The following SAR1A variants were observed in gnomAD, a reference collection of about 807,000 sequenced individuals.
The protein encoded by SAR1A is small COPII coat GTPase SAR1A.
A neutral mutation model predicts 22.6 loss-of-function variants in SAR1A; 6 were observed. The ratio of observed to expected loss-of-function variants is 0.27; its 90% CI spans 0.15 to 0.52. The LOEUF (loss-of-function observed/expected upper bound fraction) is 0.52, where lower values mean the gene tolerates loss of function less well. SAR1A is among the 20% of genes least tolerant of loss of function. SAR1A has a pLI of 0.96. For synonymous variants in SAR1A, 70 were observed against 82.2 expected, an observed-to-expected ratio of 0.85 and a Z score of 0.80; for missense variants, 145 against 245.1, an observed-to-expected ratio of 0.59 and a Z score of 2.73.
intron 3 of SAR1A, 125 bp from the exon 4 acceptor site, chr10:70,161,194 G>A (rs999993391): frequency 1.4e-6 from 1 of 709,516 alleles, no homozygotes; most frequent in Non-Finnish European, 2.3e-6. Flanking sequence ...TGAGTGTGGT[G>A]GTACCCGCCT....
intron 4 of SAR1A, among the ~76,000 whole-genome samples, chr10:70,159,117 A>C (rs963320814): frequency 6.6e-6 from 1 of 152,144 alleles, no homozygotes; most frequent in Non-Finnish European, 1.5e-5. Flanking sequence ...TTCTTACCCA[A>C]ATGAAAAAAA....
Position 70,149,482 on chromosome 10 carries a change from T to C in SAR1A, c.*2994A>G, listed in dbSNP as rs7896472. 6.6e-6 allele frequency: 1 copy of C among 150,826 alleles called. No individual in the cohort carries two copies. Among genetic ancestry groups the C allele is most frequent in the Admixed American group, 6.6e-5 (1 of 15,114 alleles). 9.3% of individuals were successfully genotyped at this position (150,826 alleles called of 1,614,324 possible). A position where few individuals can be genotyped will look rare whatever the true frequency, so the allele number is the denominator to read the frequency against. On this transcript the variant is annotated 3_prime_UTR_variant, in exon 7 of 7. Coordinates refer to ENST00000373241, the MANE Select transcript of SAR1A (RefSeq NM_020150.5). ...CTCATTTGGGTTTTTGTAAAAGCAG[T>C]CTTCCTACAAGCCTAGTAAAGGAAA...
chr10:70,157,708 G>A, intron 5 of SAR1A, 56 bp downstream of exon 5: 1 of 1,315,976 alleles, frequency 7.6e-7, no homozygotes, highest in Non-Finnish European at 1.1e-6. Flanking sequence ...AAAAAAAATA[G>A]AGGCCAAAAA....
At chr10:70,163,609 A>T (rs1839504693) in intron 1 of SAR1A, 1 of 674,638 alleles carries the variant, frequency 1.5e-6, no homozygotes. Context: ...AATGACACTA[A>T]ATCAGTCCAA....
rs531342342 is a variant in SAR1A, at chr10:70,147,692, T to C, written c.*4784A>G. On this transcript the variant is annotated 3_prime_UTR_variant, in exon 7 of 7. Transcript: ENST00000373241. ...ACAAGGCATAGTTTACCATCTCTAG[T>C]GTACACTAACATAAACTGCTCTACT... 9 of 152,276 alleles carry C rather than the reference T, an allele frequency of 5.9e-5. No individual in the cohort carries two copies. Among genetic ancestry groups the C allele is most frequent in the African/African-American group, 2.2e-4 (9 of 41,542 alleles). 9.4% of individuals were successfully genotyped at this position (152,276 alleles called of 1,614,324 possible).
intron 5 of SAR1A, among the ~76,000 whole-genome samples, chr10:70,154,590 T>C (rs1839363853): frequency 6.6e-6 from 1 of 152,050 alleles, no homozygotes; most frequent in Non-Finnish European, 1.5e-5. Flanking sequence ...CCTGAGTAGC[T>C]GGGACTACAG....
At position 70,150,461 on chromosome 10, in the gene SAR1A, C is replaced by A. The variant is rs777772626; in HGVS notation, c.*2015G>T. ...CATTGGTTCTAACTGATTTTCAATC[C>A]CCTTTCTCCAGTGGAATAAACCACT... On this transcript the variant is annotated 3_prime_UTR_variant, in exon 7 of 7. Transcript: ENST00000373241. The A allele has an allele frequency of 2.6e-5, 4 of 152,122 alleles. No individual in the cohort carries two copies. Among genetic ancestry groups the A allele is most frequent in the African/African-American group, 9.7e-5 (4 of 41,416 alleles). The allele number at this position is 152,122 out of a possible 1,614,324, so 9.4% of individuals were successfully genotyped here. A position where few individuals can be genotyped will look rare whatever the true frequency, so the allele number is the denominator to read the frequency against.
chr10:70,163,454 G>C (rs1002778123), intron 1 of SAR1A, among the ~76,000 whole-genome samples: 1 of 152,218 alleles, frequency 6.6e-6, no homozygotes, highest in Admixed American at 6.5e-5. Context: ...TGACTCTCTT[G>C]TTATGGGCTA....
At chr10:70,162,899 G>A (rs1839494829) in intron 1 of SAR1A, 1 of 152,208 alleles carries the variant, frequency 6.6e-6, no homozygotes, top group African/African-American at 2.4e-5. Context: ...TCTATGATCA[G>A]TGATCTTTGG....
At chr10:70,162,114 C>T (rs1469182564) in intron 1 of SAR1A, among the ~76,000 whole-genome samples, 183 bp from the exon 2 acceptor site, 3 of 151,858 alleles carry the variant, frequency 2.0e-5, no homozygotes, top group African/African-American at 4.8e-5. Context: ...CCAAGGCAGG[C>T]GGATCACTTG....
In SAR1A at chr10:70,170,467, C is replaced by G. The variant is rs996616105; in HGVS notation, c.-71G>C. The stretch of plus-strand genomic sequence containing the variant: ...GGCTGGCTCGGACCCTCCCTCAGAG[C>G]ACACTAACCAGCAGCACCCGGGACC... On this transcript the variant is annotated 5_prime_UTR_variant, in exon 1 of 7. Transcript: ENST00000373241. 6.6e-6 allele frequency: 1 copy of G among 152,354 alleles called. No individual in the cohort carries two copies. Among genetic ancestry groups the G allele is most frequent in the African/African-American group, 2.4e-5 (1 of 41,420 alleles). The allele number at this position is 152,354 out of a possible 1,614,324, so 9.4% of individuals were successfully genotyped here.
rs1839329541 is a variant in SAR1A, at chr10:70,151,766, C to G, written c.*710G>C. Reference sequence around the variant, plus strand: ...ACCCATTCTATAATTAACTCCTCCACAGTGAACAATCTGCTACACATTCCT... The same window carrying G: ...ACCCATTCTATAATTAACTCCTCCAGAGTGAACAATCTGCTACACATTCCT... On this transcript the variant is annotated 3_prime_UTR_variant, in exon 7 of 7. Transcript: ENST00000373241. 1 of 152,606 alleles carries G rather than the reference C, an allele frequency of 6.6e-6. No homozygotes were observed. The highest frequency in any genetic ancestry group is 2.4e-5 in the African/African-American group (1 of 41,460). The allele number at this position is 152,606 out of a possible 1,614,324, so 9.5% of individuals were successfully genotyped here.
At chr10:70,153,087 G>A (rs867504204) in intron 6 of SAR1A, among the ~76,000 whole-genome samples, 31 of 152,292 alleles carry the variant, frequency 2.0e-4, no homozygotes, top group East Asian at 1.3e-3. Context: ...TAAAGAAACC[G>A]ATAATCAAGA....
chr10:70,156,510 T>G (rs1455874434), intron 5 of SAR1A, among the ~76,000 whole-genome samples: 1 of 151,810 alleles, frequency 6.6e-6, no homozygotes, highest in Non-Finnish European at 1.5e-5. Context: ...CAAAAACACT[T>G]TTTTAAAAAA....
chr10:70,162,643 G>A (rs1181148178), intron 1 of SAR1A: 1 of 152,056 alleles, frequency 6.6e-6, no homozygotes, highest in African/African-American at 2.4e-5. Flanking sequence ...AATAGTTTTT[G>A]ATCTATGATA....
In SAR1A at chr10:70,148,415, G is replaced by A. The variant is rs1402139976; in HGVS notation, c.*4061C>T. ...ATTAGGCCATCTTGCCATAGCAGGC[G>A]GTCTTCTTTTGGTTCTATGACACAG... On this transcript the variant is annotated 3_prime_UTR_variant, in exon 7 of 7. Coordinates refer to ENST00000373241, the MANE Select transcript of SAR1A (RefSeq NM_020150.5). 3 of 152,170 alleles carry A rather than the reference G, an allele frequency of 2.0e-5. No individual in the cohort carries two copies. Among genetic ancestry groups the A allele is most frequent in the African/African-American group, 4.8e-5 (2 of 41,504 alleles). 9.4% of individuals were successfully genotyped at this position (152,170 alleles called of 1,614,324 possible).
chr10:70,162,421 G>GGGAAAGGGAAAGGGAAA (rs1554827414), intron 1 of SAR1A, among the ~76,000 whole-genome samples: 2 of 115,582 alleles, frequency 1.7e-5, no homozygotes, highest in Non-Finnish European at 1.7e-5. Flanking sequence ...GAAAGGGAAA[G>GGGAAAGGGAAAGGGAAA]GGAAAGGAAA....
chr10:70,163,461 G>T (rs866621368), intron 1 of SAR1A, among the ~76,000 whole-genome samples: 1 of 152,178 alleles, frequency 6.6e-6, no homozygotes. Context: ...CTTGTTATGG[G>T]CTAATGCAAG....
At chr10:70,162,726 T>A (rs1193326612) in intron 1 of SAR1A, 1 of 152,192 alleles carries the variant, frequency 6.6e-6, no homozygotes, top group Non-Finnish European at 1.5e-5. Flanking sequence ...TGAGGTTTTC[T>A]GGTTTTTTTA....
Sources: allele counts gnomAD v4.1 joint callset (sites outside exome capture counted in the v4.1 genomes callset), GRCh38; gene constraint gnomAD v4.1.1; transcripts MANE v1.5; gene names NCBI Gene and HGNC (gene_info 2026-07-23, HGNC 2026-07-21).